The following MSH6 variants were observed in gnomAD, a reference collection of about 807,000 sequenced individuals.
MSH6 encodes the protein DNA mismatch repair protein Msh6.
Under a neutral mutation model 119.1 loss-of-function variants are expected in MSH6, and 85 were observed. That is an observed-to-expected ratio of 0.71 (90% confidence interval 0.60 to 0.85). The LOEUF (loss-of-function observed/expected upper bound fraction) is 0.85. MSH6 is among the 40% of genes least tolerant of loss of function. MSH6 has a pLI of 0.00. For missense variants in MSH6, 2,163 were observed against 1,655.3 expected, an observed-to-expected ratio of 1.31 and a Z score of -5.32; for synonymous variants, 830 against 586.9, an observed-to-expected ratio of 1.41 and a Z score of -5.99.
chr2:47,806,747 A>AAAAC, intron 9 of MSH6, 32 bp from the exon 10 acceptor site: 1 of 1,514,868 alleles, frequency 6.6e-7, no homozygotes, highest in Non-Finnish European at 9.0e-7. Context: ...AAAAAACAAA[A>AAAAC]AAACTTTTTT....
intron 1 of MSH6, chr2:47,783,796 A>G: frequency 2.3e-6 from 1 of 434,666 alleles, no homozygotes; most frequent in Non-Finnish European, 3.0e-6. Context: ...TGCTGGGCTA[A>G]GGAAGGGGCG....
At chr2:47,789,499 T>C (rs2104067719) in intron 1 of MSH6, 1 of 441,436 alleles carries the variant, frequency 2.3e-6, no homozygotes, top group African/African-American at 2.1e-5. Flanking sequence ...GAAATAATTC[T>C]TTTCTAATGA....
intron 6 of MSH6, 50 bp downstream of exon 6, chr2:47,805,077 A>G (rs772290981): frequency 8.0e-7 from 1 of 1,243,882 alleles, no homozygotes; most frequent in Non-Finnish European, 1.2e-6. Context: ...TTTAGATGTG[A>G]TAAAAGATAT....
chr2:47,796,620 A>T (rs1250567575), intron 3 of MSH6, among the ~76,000 whole-genome samples: 1 of 152,214 alleles, frequency 6.6e-6, no homozygotes, highest in Non-Finnish European at 1.5e-5. Flanking sequence ...TAAACCTTGA[A>T]ATACAACCTT....
downstream of MSH6, chr2:47,809,053 G>C (rs1670432147): frequency 7.6e-6 from 5 of 656,860 alleles, no homozygotes; most frequent in Non-Finnish European, 1.3e-5. Flanking sequence ...TTTTCAGTTA[G>C]TTATAGTCTC....
intron 5 of MSH6, among the ~76,000 whole-genome samples, chr2:47,803,933 T>G (rs977766924): frequency 6.6e-6 from 1 of 152,350 alleles, no homozygotes; most frequent in Non-Finnish European, 1.5e-5. Context: ...TGAGGCCCTT[T>G]GACTTGAATT....
intron 1 of MSH6, among the ~76,000 whole-genome samples, chr2:47,790,708 A>G (rs909928957): frequency 6.6e-5 from 10 of 152,038 alleles, no homozygotes; most frequent in Admixed American, 1.3e-4. Flanking sequence ...CTAATAACAT[A>G]ACTATATTTG....
In MSH6 at chr2:47,806,465, A is replaced by AAAAT; in HGVS notation, c.3816_3819dup (p.Glu1274LysfsTer2). The AAAAT allele has an allele frequency of 6.2e-7, 1 of 1,614,104 alleles. No homozygotes were observed. The highest frequency in any genetic ancestry group is 8.5e-7 in the Non-Finnish European group (1 of 1,179,974). On this transcript the variant is annotated frameshift_variant, in exon 9 of 10. Coordinates refer to ENST00000234420, the MANE Select transcript of MSH6 (RefSeq NM_000179.3). LOFTEE classifies it high-confidence loss of function. ...TTCTTTCTTAAGGCATGCATGGTAG[A>AAAAT]AAATGAATGTGAAGACCCCAGCCAG...
intron 4 of MSH6, among the ~76,000 whole-genome samples, chr2:47,802,544 C>A (rs1294752325): frequency 6.6e-6 from 1 of 150,934 alleles, no homozygotes; most frequent in African/African-American, 2.4e-5. Flanking sequence ...GTTGGCCAGG[C>A]TGTTCTTGAA....
At chr2:47,808,072 A>AAGTT (rs756965117), downstream of MSH6, 2 of 1,520,656 alleles carry the variant, frequency 1.3e-6, no homozygotes, top group East Asian at 4.5e-5. Context: ...AAAGTGTTTT[A>AAGTT]AGTTATGATG....
At chr2:47,788,907 C>CTTTTTTTTTTTTTTTTTTTTTTT (rs1558650117) in intron 1 of MSH6, among the ~76,000 whole-genome samples, 3 of 17,276 alleles carry the variant, frequency 1.7e-4, no homozygotes, top group African/African-American at 2.6e-4. Context: ...TTTCTTCTTC[C>CTTTTTTTTTTTTTTTTTTTTTTT]TTTTTTTTTT....
At chr2:47,783,921 G>GGGGGGC in intron 1 of MSH6, 2 of 830,510 alleles carry the variant, frequency 2.4e-6, no homozygotes, top group Non-Finnish European at 2.9e-6. Flanking sequence ...GGGGTGGCGG[G>GGGGGGC]AAGGAGGAAT....
At position 47,799,173 on chromosome 2, in the gene MSH6, A is replaced by C. The variant is rs63750065; in HGVS notation, c.1190A>C (p.Tyr397Ser). ...DHPDFDASTL[Y>S]VPEDFLNSCT... ...CCCGATTTTGATGCATCTACACTCT[A>C]TGTGCCTGAGGATTTCCTCAATTCT... Residue 397 changes from tyrosine to serine, a missense_variant, in exon 4 of 10, where the codon TAT becomes TCT. Tyr to Ser is a moderately radical substitution (Grantham distance 144). Transcript: ENST00000234420. The C allele has an allele frequency of 1.9e-6, 3 of 1,614,170 alleles. No individual in the cohort carries two copies. The highest frequency in any genetic ancestry group is 2.5e-6 in the Non-Finnish European group (3 of 1,180,026).
At chr2:47,795,511 G>C (rs1417119329) in intron 2 of MSH6, among the ~76,000 whole-genome samples, 1 of 149,584 alleles carries the variant, frequency 6.7e-6, no homozygotes, top group Non-Finnish European at 1.5e-5. Flanking sequence ...TGTCGCCCAG[G>C]CTGGAGTGAA....
chr2:47,798,255 A>G (rs113473883), intron 3 of MSH6, among the ~76,000 whole-genome samples: 5 of 152,348 alleles, frequency 3.3e-5, no homozygotes, highest in African/African-American at 1.2e-4. Context: ...GAGAATTTAC[A>G]GTAGTACAGA....
At chr2:47,804,863 AACTGTT>A in intron 5 of MSH6, 41 bp from the exon 6 acceptor site, 2 of 1,413,720 alleles carry the variant, frequency 1.4e-6, no homozygotes, top group East Asian at 4.6e-5. Context: ...AAGTTTATGA[AACTGTT>A]ACTACCAGTC....
Position 47,801,435 on chromosome 2 carries a change from C to A in MSH6, c.3172+280C>A, listed in dbSNP as rs535190701. ...CCAGGCTAGAATATGGTGACACAAC[C>A]ATGGCTACTGCAGCCTCGACCTCCC... is the stretch of plus-strand genomic sequence containing the variant. On this transcript the variant is annotated intron_variant, in intron 4 of 9. Coordinates refer to ENST00000234420, the MANE Select transcript of MSH6 (RefSeq NM_000179.3). 9 of 339,874 alleles carry A rather than the reference C, an allele frequency of 2.6e-5. 1 individual carries two copies. Among genetic ancestry groups the A allele is most frequent in the South Asian group, 2.4e-4 (8 of 33,848 alleles). The allele number at this position is 339,874 out of a possible 1,614,324, so 21.1% of individuals were successfully genotyped here. A position where few individuals can be genotyped will look rare whatever the true frequency, so the allele number is the denominator to read the frequency against.
chr2:47,805,163 G>T (rs1401374149), intron 6 of MSH6, 136 bp downstream of exon 6: 10 of 690,498 alleles, frequency 1.4e-5, no homozygotes, highest in Non-Finnish European at 2.6e-5. Context: ...CACTTTTTAA[G>T]AACTGCATAG....
chr2:47,801,882 C>CA (rs1669621988), intron 4 of MSH6, among the ~76,000 whole-genome samples: 1 of 152,112 alleles, frequency 6.6e-6, no homozygotes, highest in Non-Finnish European at 1.5e-5. Flanking sequence ...CTCCTGGCCT[C>CA]AAGTGATCCT....
Sources: allele counts gnomAD v4.1 joint callset (sites outside exome capture counted in the v4.1 genomes callset), GRCh38; gene constraint gnomAD v4.1.1; transcripts MANE v1.5; gene names NCBI Gene and HGNC (gene_info 2026-07-23, HGNC 2026-07-21).